The following ABCC11 variants were observed in gnomAD, a reference collection of about 807,000 sequenced individuals.
ABCC11 encodes the protein ATP-binding cassette sub-family C member 11.
ABCC11 carries 135 observed loss-of-function variants against 149.3 expected under a neutral mutation model. The observed-to-expected ratio is 0.90, with a 90% CI of 0.79 to 1.04. The LOEUF (loss-of-function observed/expected upper bound fraction) is 1.04, where lower values mean the gene tolerates loss of function less well. Among genes scored for constraint, ABCC11 ranks in the 50% least tolerant of loss-of-function variants. The pLI, the probability that ABCC11 is intolerant of heterozygous loss-of-function variation, is 0.00. For synonymous variants in ABCC11, 665 were observed against 671.4 expected (o/e 0.99, Z 0.15); for missense variants, 1,680 against 1,722.1 (o/e 0.98, Z 0.43).
chr16:48,177,089 G>A lies in ABCC11; in HGVS notation c.3373C>T (p.His1125Tyr), dbSNP rs761918114. 5 of 1,613,612 alleles carry A rather than the reference G, an allele frequency of 3.1e-6. No individual in the cohort carries two copies. The highest frequency in any genetic ancestry group is 1.1e-5 in the South Asian group (1 of 91,010). Reference protein sequence around the residue: ...MKMCVSEAPLHMEGTSCPQGW... With the variant: ...MKMCVSEAPLYMEGTSCPQGW... The stretch of plus-strand genomic sequence containing the variant: ...TGGGGACAACTTGTGCCTTCCATGT[G>A]TAAAGGAGCTTCCGAGACACACATC... Residue 1125 changes from histidine (H) to tyrosine (Y), a missense_variant, in exon 25 of 30, where the codon CAC (histidine) becomes TAC (tyrosine). Physicochemically the swap from His to Tyr is moderately conservative, Grantham distance 83. Transcript: ENST00000356608.
chr16:48,184,594 T>C lies in ABCC11; in HGVS notation c.3104A>G (p.Tyr1035Cys). 1 of 1,614,180 alleles carries C rather than the reference T, an allele frequency of 6.2e-7. No homozygotes were observed. Residue 1035 changes from tyrosine to cysteine, a missense_variant, in exon 23 of 30, where the codon TAC (tyrosine) becomes TGC (cysteine). By Grantham distance (194) the Tyr-to-Cys change is radical. Coordinates refer to ENST00000356608, the MANE Select transcript of ABCC11 (RefSeq NM_001370497.1). ...TGTGGAAGATAGAAACAACAGCAGG[T>C]AGTTATTCTGCGCATCAGTCAGCCT... is the stretch of plus-strand genomic sequence containing the variant. ...FKRLTDAQNNYLLLFLSSTRW... is the reference protein window; with the variant it reads ...FKRLTDAQNNCLLLFLSSTRW...
In ABCC11 at chr16:48,200,313, C is replaced by T. The variant is rs987332145; in HGVS notation, c.2045G>A (p.Arg682Lys). ...IFEECIKKTL[R>K]GKTVVLVTHQ... ...GGTCACCAGGACGACCGTCTTCCCC[C>T]TGAGTGTCTTCTTAATGCACTCCTC... The change falls in exon 15 of 30, where the codon AGG (arginine) becomes AAG (lysine). Residue 682 changes from arginine (R) to lysine (K), a missense_variant. By Grantham distance (26) the Arg-to-Lys change is conservative. Coordinates refer to ENST00000356608, the MANE Select transcript of ABCC11 (RefSeq NM_001370497.1). 1 of 1,614,214 alleles carries T rather than the reference C, an allele frequency of 6.2e-7. No individual in the cohort carries two copies. Among genetic ancestry groups the T allele is most frequent in the Non-Finnish European group, 8.5e-7 (1 of 1,180,018 alleles).
At chr16:48,207,442 G>A (rs969718422) in intron 12 of ABCC11, among the ~76,000 whole-genome samples, 1 of 152,106 alleles carries the variant, frequency 6.6e-6, no homozygotes, top group African/African-American at 2.4e-5. Context: ...GAGGCAGGTG[G>A]ATGACTTGAG....
rs574370039 is a variant in ABCC11 at position 48,182,708 on chromosome 16, A to C, written c.3258+1732T>G. Among the ~76,000 whole-genome samples, 279 of 149,910 alleles carry C rather than the reference A, an allele frequency of 1.9e-3. 2 individuals are homozygous for C. Among genetic ancestry groups the C allele is most frequent in the Non-Finnish European group, 3.1e-3 (209 of 67,678 alleles). ...TGAGGCAGGAGAATGGCATGAACCC[A>C]GGGGGTGGAGCTTGCAGTGAGCCGA... On this transcript the variant is annotated intron_variant, in intron 23 of 29. Transcript: ENST00000356608.
At chr16:48,244,564 T>A (rs1971234226) in intron 1 of ABCC11, 2 of 1,532,238 alleles carry the variant, frequency 1.3e-6, no homozygotes, top group South Asian at 1.2e-5. Context: ...ATCCTGGGCG[T>A]CATCCCCAAC....
chr16:48,238,064 C>T (rs551983821), intron 1 of ABCC11, among the ~76,000 whole-genome samples: 1 of 152,286 alleles, frequency 6.6e-6, no homozygotes, highest in African/African-American at 2.4e-5. Context: ...ATGTATTCCC[C>T]ATTACCTAGA....
At chr16:48,171,003 T>C in intron 26 of ABCC11, 36 bp from the exon 27 acceptor site, 1 of 1,530,082 alleles carries the variant, frequency 6.5e-7, no homozygotes, top group East Asian at 2.2e-5. Context: ...TTCAACAACA[T>C]CACCCAGGCT....
At chr16:48,217,913 A>G (rs1775054063) in intron 6 of ABCC11, among the ~76,000 whole-genome samples, 1 of 152,188 alleles carries the variant, frequency 6.6e-6, no homozygotes, top group Admixed American at 6.5e-5. Flanking sequence ...CACATGTTAG[A>G]TGAAGCACAT....
Position 48,224,398 on chromosome 16 carries a change from T to G in ABCC11, c.427A>C (p.Arg143=). ...ACTGAAGCTTTTTCAATCCCTCGCC[T>G]TGAGACTTCTTCTTCCCAAAGGCGG... ...LHRLWEEEVS[R]RGIEKASVLL... is the part of the protein sequence containing the mutation. Residue 143 remains arginine (R), a synonymous_variant, in exon 5 of 30, where the codon AGG becomes CGG. Coordinates refer to ENST00000356608, the MANE Select transcript of ABCC11 (RefSeq NM_001370497.1). The G allele has an allele frequency of 1.2e-6, 2 of 1,614,174 alleles. No individual in the cohort carries two copies. The highest frequency in any genetic ancestry group is 1.7e-6 in the Non-Finnish European group (2 of 1,180,016).
Position 48,192,641 on chromosome 16 carries a change from T to A in ABCC11, c.2585A>T (p.Tyr862Phe), listed in dbSNP as rs1468910122. The A allele has an allele frequency of 6.2e-7, 1 of 1,614,070 alleles. No individual in the cohort carries two copies. The highest frequency in any genetic ancestry group is 8.5e-7 in the Non-Finnish European group (1 of 1,180,042). Residue 862 changes from tyrosine to phenylalanine, a missense_variant, in exon 20 of 30, where the codon TAC (tyrosine) becomes TTC (phenylalanine). Physicochemically the swap from Tyr to Phe is conservative, Grantham distance 22. Transcript: ENST00000356608. The part of the protein sequence containing the change: ...NIADNPQLSF[Y>F]QLVYGLNALL... Reference sequence around the variant, plus strand: ...GGCGTTGAGCCCGTACACCAGCTGGTAGAAGGACAGTTGAGGATTGTCTGC... The same window carrying A: ...GGCGTTGAGCCCGTACACCAGCTGGAAGAAGGACAGTTGAGGATTGTCTGC...
chr16:48,189,232 CG>C (rs1465986938), intron 20 of ABCC11, among the ~76,000 whole-genome samples: 13 of 152,284 alleles, frequency 8.5e-5, no homozygotes, highest in African/African-American at 3.1e-4. Flanking sequence ...CTTGCAGGTG[CG>C]GGGCATGGCA....
chr16:48,212,444 T>C (rs1468986930), intron 10 of ABCC11, among the ~76,000 whole-genome samples: 4 of 151,994 alleles, frequency 2.6e-5, no homozygotes, highest in Admixed American at 6.6e-5. Context: ...ACAGCAAAAA[T>C]AAAAATCACC....
chr16:48,179,497 G>A (rs955718201), intron 23 of ABCC11, among the ~76,000 whole-genome samples: 1 of 152,212 alleles, frequency 6.6e-6, no homozygotes, highest in South Asian at 2.1e-4. Context: ...GACGTGCAGG[G>A]GGTGCTGGGT....
Position 48,225,055 on chromosome 16 carries a change from A to T in ABCC11, c.396-626T>A, listed in dbSNP as rs543487873. Among the ~76,000 whole-genome samples, 11 of 151,114 alleles carry T rather than the reference A, an allele frequency of 7.3e-5. 1 individual carries two copies. The South Asian group carries it at 2.3e-3, about 32-fold the overall frequency. On this transcript the variant is annotated intron_variant, in intron 4 of 29. Transcript: ENST00000356608. ...ACAAAAAACAAACCAAAAAAAAAAT[A>T]GTAACAATAAAATAACACTACAGTC...
rs537185952 is a variant in ABCC11 at position 48,218,629 on chromosome 16, C to T, written c.778-2342G>A. 2.6e-5 allele frequency among the ~76,000 whole-genome samples: 4 copies of T among 152,294 alleles called. No homozygotes were observed. In the South Asian group the frequency reaches 8.3e-4, roughly 32 times the overall value. On this transcript the variant is annotated intron_variant, in intron 6 of 29. Transcript: ENST00000356608. The stretch of plus-strand genomic sequence containing the variant: ...AAATCTCATCTTGAATTGTAGCTCC[C>T]ACAATCACCATATGTTGTGGGAGGG...
chr16:48,213,725 C>T (rs1426719297), intron 9 of ABCC11, among the ~76,000 whole-genome samples, 175 bp from the exon 10 acceptor site: 2 of 152,174 alleles, frequency 1.3e-5, no homozygotes, highest in Non-Finnish European at 2.9e-5. Context: ...GAGCACTCGT[C>T]CTGGAGTCTT....
At chr16:48,203,415 T>C in intron 13 of ABCC11, 115 bp from the exon 14 acceptor site, 1 of 929,850 alleles carries the variant, frequency 1.1e-6, no homozygotes, top group Non-Finnish European at 1.7e-6. Flanking sequence ...GACTTGATGG[T>C]GTTTAATGGT....
At position 48,170,932 on chromosome 16, in the gene ABCC11, T is replaced by C. The variant is rs145986516; in HGVS notation, c.3734A>G (p.Gln1245Arg). 6 of 1,614,090 alleles carry C rather than the reference T, an allele frequency of 3.7e-6. No individual in the cohort carries two copies. The highest frequency in any genetic ancestry group is 1.3e-5 in the African/African-American group (1 of 75,064). The part of the protein sequence containing the change: ...NLDPFDRHTD[Q>R]QIWDALERTF... Reference sequence around the variant, plus strand: ...CCTCTCCAAGGCATCCCAGATCTGCTGGTCAGTGTGACGGTCAAAGGGATC... The same window carrying C: ...CCTCTCCAAGGCATCCCAGATCTGCCGGTCAGTGTGACGGTCAAAGGGATC... Residue 1245 changes from glutamine (Q) to arginine (R), a missense_variant, in exon 27 of 30, where the codon CAG becomes CGG. Transcript: ENST00000356608.
chr16:48,228,050 G>C, intron 3 of ABCC11, 86 bp from the exon 4 acceptor site: 36 of 946,024 alleles, frequency 3.8e-5, no homozygotes, highest in East Asian at 1.6e-4. Context: ...ACACAACGAG[G>C]TTACCCAGAT....
Sources: allele counts gnomAD v4.1 joint callset (sites outside exome capture counted in the v4.1 genomes callset), GRCh38; gene constraint gnomAD v4.1.1; transcripts MANE v1.5; gene names NCBI Gene and HGNC (gene_info 2026-07-23, HGNC 2026-07-21).